C1orf105: variants seen among roughly 807,000 people sequenced by gnomAD.
The protein encoded by C1orf105 is chromosome 1 open reading frame 105.
C1orf105 carries 17 observed loss-of-function variants against 20.8 expected under a neutral mutation model. The observed-to-expected ratio is 0.82, with a 90% confidence interval of 0.56 to 1.23. The LOEUF (loss-of-function observed/expected upper bound fraction) is 1.23, where lower values mean the gene tolerates loss of function less well. Ranked by LOEUF, C1orf105 falls within the 50% of genes most tolerant of loss-of-function variation. C1orf105 has a pLI of 0.00. For synonymous variants in C1orf105, 72 were observed against 72.1 expected, an observed-to-expected ratio of 1.00 and a Z score of 0.01; for missense variants, 219 against 213.5, an observed-to-expected ratio of 1.03 and a Z score of -0.16.
chr1:172,452,816 G>A (rs1315759189), intron 3 of C1orf105: 2 of 1,392,948 alleles, frequency 1.4e-6, no homozygotes, highest in African/African-American at 2.9e-5. Flanking sequence ...CAGCTGCTTG[G>A]GAAATGAGGG....
intron 3 of C1orf105, among the ~76,000 whole-genome samples, chr1:172,452,240 G>A (rs930558859): frequency 6.6e-6 from 1 of 152,112 alleles, no homozygotes; most frequent in Non-Finnish European, 1.5e-5. Flanking sequence ...AAACTTTCTA[G>A]CCGACTGAAG....
At chr1:172,447,683 G>A (rs944178254) in intron 2 of C1orf105, among the ~76,000 whole-genome samples, 4 of 152,254 alleles carry the variant, frequency 2.6e-5, no homozygotes, top group Admixed American at 1.3e-4. Context: ...CCTTTCACAT[G>A]CCTTTGTTTT....
At chr1:172,428,504 C>T (rs751370770) in intron 1 of C1orf105, among the ~76,000 whole-genome samples, 18 of 152,182 alleles carry the variant, frequency 1.2e-4, no homozygotes, top group Non-Finnish European at 2.5e-4. Flanking sequence ...CCACACATGC[C>T]AGGTATTCTT....
intron 1 of C1orf105, among the ~76,000 whole-genome samples, chr1:172,431,472 G>A (rs1483802718): frequency 1.3e-5 from 2 of 152,134 alleles, no homozygotes; most frequent in African/African-American, 4.8e-5. Flanking sequence ...GCAGAAGAAA[G>A]GTTTGAAACT....
intron 1 of C1orf105, 104 bp downstream of exon 1, chr1:172,421,010 C>A: frequency 9.5e-7 from 1 of 1,047,774 alleles, no homozygotes. Context: ...GGTGTTTCAA[C>A]AGACATCCTA....
chr1:172,462,217 G>A lies in C1orf105; in HGVS notation c.313G>A (p.Ala105Thr). 6.2e-7 allele frequency: 1 copy of A among 1,609,916 alleles called. No individual in the cohort carries two copies. The highest frequency in any genetic ancestry group is 8.5e-7 in the Non-Finnish European group (1 of 1,178,222). The change falls in exon 5 of 7, where the codon GCA (alanine) becomes ACA (threonine). Residue 105 changes from alanine to threonine, a missense_variant. Transcript: ENST00000367727. ...RTMKIPDDPK[A>T]SFENCMSYRM... Reference sequence around the variant, plus strand: ...AATGAAAATCCCAGATGATCCAAAAGCATCCTTTGAGAATTGTATGAGTTA... The same window carrying A: ...AATGAAAATCCCAGATGATCCAAAAACATCCTTTGAGAATTGTATGAGTTA...
At chr1:172,463,068 T>A (rs6660798) in intron 5 of C1orf105, among the ~76,000 whole-genome samples, 118,760 of 151,752 alleles carry the variant, frequency 0.78, 46,731 homozygotes, top group East Asian at 1. Flanking sequence ...TGAGCCACCA[T>A]GCCCCACCTA....
intron 1 of C1orf105, among the ~76,000 whole-genome samples, chr1:172,421,216 C>G (rs1304784949): frequency 2.6e-5 from 4 of 152,066 alleles, no homozygotes; most frequent in Non-Finnish European, 5.9e-5. Flanking sequence ...AAAATTGATA[C>G]CAGATTCTTT....
chr1:172,462,303 G>C, intron 5 of C1orf105, 58 bp downstream of exon 5: 1 of 1,277,782 alleles, frequency 7.8e-7, no homozygotes, highest in South Asian at 1.4e-5. Flanking sequence ...TGAGGACACA[G>C]GAGAGTGGAT....
chr1:172,465,195 A>G (rs980290160), intron 5 of C1orf105, 104 bp from the exon 6 acceptor site: 7 of 437,748 alleles, frequency 1.6e-5, no homozygotes, highest in Non-Finnish European at 2.1e-5. Context: ...AATAATAATA[A>G]TAAATAATAA....
chr1:172,441,155 G>A (rs910205598), intron 1 of C1orf105, among the ~76,000 whole-genome samples: 1 of 152,094 alleles, frequency 6.6e-6, no homozygotes, highest in Non-Finnish European at 1.5e-5. Context: ...TGCTTATTGT[G>A]ACACATCACA....
chr1:172,462,589 A>C (rs950331472), intron 5 of C1orf105, among the ~76,000 whole-genome samples: 1 of 152,152 alleles, frequency 6.6e-6, no homozygotes, highest in Non-Finnish European at 1.5e-5. Flanking sequence ...GATATGGGGG[A>C]TTACACATAA....
At chr1:172,443,193 G>A (rs1427145387) in intron 1 of C1orf105, 1 of 167,832 alleles carries the variant, frequency 6.0e-6, no homozygotes, top group Admixed American at 6.5e-5. Flanking sequence ...TCAAACCAAA[G>A]TCTTATCCCA....
At chr1:172,434,823 A>ACT (rs2071985614) in intron 1 of C1orf105, among the ~76,000 whole-genome samples, 1 of 152,252 alleles carries the variant, frequency 6.6e-6, no homozygotes, top group Admixed American at 6.5e-5. Context: ...GGTTTTTTGA[A>ACT]AAGATCAACA....
chr1:172,432,820 G>A (rs1443451480), intron 1 of C1orf105, among the ~76,000 whole-genome samples: 1 of 152,180 alleles, frequency 6.6e-6, no homozygotes, highest in African/African-American at 2.4e-5. Flanking sequence ...AAACTTTTCT[G>A]AGCTAAAGAA....
intron 1 of C1orf105, among the ~76,000 whole-genome samples, chr1:172,422,774 C>T (rs527551946): frequency 3.9e-5 from 6 of 152,018 alleles, no homozygotes; most frequent in African/African-American, 1.4e-4. Flanking sequence ...GGGTAAGTCA[C>T]TTTCCTGGCA....
chr1:172,467,667 C>T (rs1237286993), intron 6 of C1orf105, among the ~76,000 whole-genome samples: 1 of 152,178 alleles, frequency 6.6e-6, no homozygotes, highest in African/African-American at 2.4e-5. Context: ...TGAGACTGAA[C>T]TGGATCCAAG....
chr1:172,429,397 A>G (rs1454537497), intron 1 of C1orf105, among the ~76,000 whole-genome samples: 1 of 152,232 alleles, frequency 6.6e-6, no homozygotes, highest in African/African-American at 2.4e-5. Context: ...AGACTCATTA[A>G]TTCAGGTGTA....
intron 1 of C1orf105, among the ~76,000 whole-genome samples, chr1:172,433,902 G>A (rs1326737026): frequency 2.0e-5 from 3 of 152,150 alleles, no homozygotes; most frequent in African/African-American, 7.2e-5. Context: ...TAAAAGGATG[G>A]AGGAAGACCT....
Sources: allele counts gnomAD v4.1 joint callset (sites outside exome capture counted in the v4.1 genomes callset), GRCh38; gene constraint gnomAD v4.1.1; transcripts MANE v1.5; gene names NCBI Gene and HGNC (gene_info 2026-07-23, HGNC 2026-07-21).